The following ANKRD36C variants were observed in gnomAD, a reference collection of about 807,000 sequenced individuals.
ANKRD36C encodes ankyrin repeat domain-containing protein 36C.
ANKRD36C carries 61 observed loss-of-function variants against 276.4 expected under a neutral mutation model. The observed-to-expected ratio is 0.22, with a 90% CI of 0.18 to 0.27. ANKRD36C has a LOEUF of 0.27. ANKRD36C is among the 10% of genes least tolerant of loss of function. The probability of loss-of-function intolerance (pLI) is 1.00; values close to 1 mark genes in which losing one functional copy is unlikely to be tolerated. For missense variants in ANKRD36C, 1,447 were observed against 2,032.3 expected, an observed-to-expected ratio of 0.71 and a Z score of 5.54; for synonymous variants, 483 against 680.1, an observed-to-expected ratio of 0.71 and a Z score of 4.51.
intron 8 of ANKRD36C, among the ~76,000 whole-genome samples, chr2:95,961,187 C>A (rs1156247322): frequency 2.0e-5 from 3 of 151,976 alleles, no homozygotes; most frequent in African/African-American, 7.2e-5. Context: ...GGAAGTGTCC[C>A]GAATTGATCA....
At chr2:95,932,417 C>G (rs558313346) in intron 24 of ANKRD36C, among the ~76,000 whole-genome samples, 1 of 152,220 alleles carries the variant, frequency 6.6e-6, no homozygotes, top group Non-Finnish European at 1.5e-5. Flanking sequence ...ATATATATCA[C>G]TGATTTTACA....
At chr2:95,927,172 A>G (rs1325729824) in intron 28 of ANKRD36C, 42 bp downstream of exon 28, 6 of 1,605,434 alleles carry the variant, frequency 3.7e-6, no homozygotes, top group South Asian at 2.2e-5. Context: ...GTACTTTTCT[A>G]TCTTGACTGA....
At chr2:95,914,638 T>A (rs1677037560) in intron 38 of ANKRD36C, among the ~76,000 whole-genome samples, 1 of 151,476 alleles carries the variant, frequency 6.6e-6, no homozygotes, top group Non-Finnish European at 1.5e-5. Flanking sequence ...CACCTGAGAA[T>A]CAATGTCAAA....
intron 44 of ANKRD36C, 115 bp from the exon 61 acceptor site, chr2:95,895,705 T>C: frequency 6.6e-7 from 1 of 1,515,212 alleles, no homozygotes; most frequent in Non-Finnish European, 8.9e-7. Flanking sequence ...GTGGAGGCTT[T>C]CATGGCTTCT....
chr2:95,930,017 G>A (rs922305751), intron 24 of ANKRD36C, among the ~76,000 whole-genome samples: 2 of 151,488 alleles, frequency 1.3e-5, no homozygotes, highest in Non-Finnish European at 3.0e-5. Context: ...ACAAGCATTA[G>A]ATATGAATAA....
At chr2:95,911,337 T>G (rs1163458068) in intron 42 of ANKRD36C, among the ~76,000 whole-genome samples, 8 of 151,288 alleles carry the variant, frequency 5.3e-5, no homozygotes, top group Non-Finnish European at 1.0e-4. Context: ...AAGTTTTACA[T>G]TCAGAAATCA....
At position 95,912,584 on chromosome 2, in the gene ANKRD36C, G is replaced by A. The variant is rs988925283; in HGVS notation, c.2552-149C>T. 103 of 1,467,514 alleles carry A rather than the reference G, an allele frequency of 7.0e-5. No individual in the cohort carries two copies. In the African/African-American group the frequency reaches 9.5e-4, roughly 13 times the overall value. 90.9% of individuals were successfully genotyped at this position (1,467,514 alleles called of 1,614,324 possible). ...CTATTTTGTGTCTGGGGACCAGAAC[G>A]TGACAGAAACACACTGAAAAAAGGG... On this transcript the variant is annotated intron_variant, in intron 40 of 66. Transcript: ENST00000456556.
At position 95,923,475 on chromosome 2, in the gene ANKRD36C, A is replaced by G. The variant is rs751127656; in HGVS notation, c.2143+20T>C. The G allele has an allele frequency of 1.1e-5, 18 of 1,609,180 alleles. No homozygotes were observed. The highest frequency in any genetic ancestry group is 1.4e-5 in the Non-Finnish European group (17 of 1,177,086). On this transcript the variant is annotated intron_variant, in intron 32 of 66. Transcript: ENST00000456556. ...TCTATCTGGACTGAACATGACATTT[A>G]ATGTGTTTTGCAAAATTACCTGTCC...
intron 4 of ANKRD36C, among the ~76,000 whole-genome samples, chr2:95,981,934 T>G (rs1678931490): frequency 6.6e-6 from 1 of 152,144 alleles, no homozygotes; most frequent in Admixed American, 6.6e-5. Flanking sequence ...AAGCATCACA[T>G]TATTACATTG....
intron 63 of ANKRD36C, 68 bp downstream of exon 83, chr2:95,855,198 G>T: frequency 4.1e-6 from 6 of 1,478,272 alleles, no homozygotes; most frequent in Non-Finnish European, 4.5e-6. Flanking sequence ...ACATTCAGCT[G>T]TAACCAAATA....
chr2:95,865,086 C>T (rs966799788), intron 60 of ANKRD36C, among the ~76,000 whole-genome samples: 2 of 151,956 alleles, frequency 1.3e-5, no homozygotes, highest in Admixed American at 6.6e-5. Context: ...AAGTCAAATA[C>T]ATCTACATTA....
At chr2:95,955,713 G>A (rs567534939) in intron 13 of ANKRD36C, among the ~76,000 whole-genome samples, 1 of 152,092 alleles carries the variant, frequency 6.6e-6, no homozygotes, top group Non-Finnish European at 1.5e-5. Context: ...AGAAACCTGA[G>A]TGCAATTCTC....
At chr2:95,876,213 A>G (rs1675949617) in intron 59 of ANKRD36C, among the ~76,000 whole-genome samples, 1 of 152,196 alleles carries the variant, frequency 6.6e-6, no homozygotes, top group Non-Finnish European at 1.5e-5. Context: ...AATATCAGGA[A>G]CTTTTTAACT....
chr2:95,991,634 T>A, exon 1 of ANKRD36C: 3 of 1,614,040 alleles, frequency 1.9e-6, no homozygotes, highest in Admixed American at 3.3e-5. Context: ...TAATGGGGTA[T>A]TGGGGAAATA....
intron 44 of ANKRD36C, among the ~76,000 whole-genome samples, chr2:95,894,509 A>G (rs1213350459): frequency 6.6e-6 from 1 of 151,492 alleles, no homozygotes; most frequent in Admixed American, 6.6e-5. Flanking sequence ...AATCATTCCA[A>G]TATTCATTGA....
chr2:95,857,204 A>G, intron 62 of ANKRD36C, 105 bp downstream of exon 82: 1 of 1,316,168 alleles, frequency 7.6e-7, no homozygotes, highest in East Asian at 2.7e-5. Context: ...ATGAAATAAA[A>G]TTTGGGGATT....
chr2:95,917,808 T>A (rs1357537791), intron 36 of ANKRD36C, 47 bp downstream of exon 38: 1 of 1,557,632 alleles, frequency 6.4e-7, no homozygotes, highest in African/African-American at 1.4e-5. Flanking sequence ...GAGAAGTTCT[T>A]TTCTATCTGG....
chr2:95,953,609 T>C (rs1427013513), intron 14 of ANKRD36C, among the ~76,000 whole-genome samples: 1 of 152,106 alleles, frequency 6.6e-6, no homozygotes, highest in Non-Finnish European at 1.5e-5. Context: ...CAACTCAAAG[T>C]AAAAACACTC....
At chr2:95,928,027 T>C (rs979773729) in intron 26 of ANKRD36C, among the ~76,000 whole-genome samples, 1 of 151,686 alleles carries the variant, frequency 6.6e-6, no homozygotes, top group Non-Finnish European at 1.5e-5. Flanking sequence ...AGTTTAGCCT[T>C]CTGAAAGTTT....
Sources: allele counts gnomAD v4.1 joint callset (sites outside exome capture counted in the v4.1 genomes callset), GRCh38; gene constraint gnomAD v4.1.1; transcripts MANE v1.5; gene names NCBI Gene and HGNC (gene_info 2026-07-23, HGNC 2026-07-21).